The following RIMS2 variants were observed in gnomAD, a reference collection of about 807,000 sequenced individuals.
RIMS2 encodes regulating synaptic membrane exocytosis 2, also known as regulating synaptic membrane exocytosis protein 2.
RIMS2 carries 59 observed loss-of-function variants against 174.4 expected under a neutral mutation model. That is an observed-to-expected ratio of 0.34 (90% CI 0.27 to 0.42). The LOEUF (loss-of-function observed/expected upper bound fraction) is 0.42, where lower values mean the gene tolerates loss of function less well. Among genes scored for constraint, RIMS2 ranks in the 10% least tolerant of loss-of-function variants. The pLI is 1.00. For synonymous variants in RIMS2, 606 were observed against 572.5 expected, an observed-to-expected ratio of 1.06 and a Z score of -0.84; for missense variants, 1,620 against 1,666.3, an observed-to-expected ratio of 0.97 and a Z score of 0.48.
At chr8:103,808,834 A>T (rs759949347) in intron 3 of RIMS2, among the ~76,000 whole-genome samples, 5 of 152,102 alleles carry the variant, frequency 3.3e-5, no homozygotes, top group Non-Finnish European at 7.4e-5. Flanking sequence ...GGACTATTAC[A>T]TTAGCTTTCT....
At chr8:103,663,356 G>A (rs942478740) in intron 1 of RIMS2, among the ~76,000 whole-genome samples, 3 of 152,078 alleles carry the variant, frequency 2.0e-5, no homozygotes, top group Non-Finnish European at 4.4e-5. Context: ...GTCTCTGTTT[G>A]CGGATGACAT....
intron 4 of RIMS2, among the ~76,000 whole-genome samples, chr8:103,905,216 C>G (rs999996883): frequency 2.0e-5 from 3 of 151,898 alleles, no homozygotes; most frequent in Non-Finnish European, 2.9e-5. Flanking sequence ...CTTTCAGATT[C>G]CTTCTTTTTT....
intron 16 of RIMS2, among the ~76,000 whole-genome samples, chr8:103,987,790 A>T (rs1447394909): frequency 6.6e-6 from 1 of 152,196 alleles, no homozygotes; most frequent in East Asian, 1.9e-4. Flanking sequence ...CCATAGATCA[A>T]CTTATGAGTA....
chr8:104,244,873 A>G (rs772726274), intron 19 of RIMS2, 43 bp from the exon 26 acceptor site: 26 of 1,544,406 alleles, frequency 1.7e-5, no homozygotes, highest in Non-Finnish European at 2.3e-5. Context: ...CTTACCACAT[A>G]GTGATTACAA....
intron 3 of RIMS2, among the ~76,000 whole-genome samples, chr8:103,870,528 A>T (rs1021740875): frequency 2.0e-5 from 3 of 152,194 alleles, no homozygotes; most frequent in African/African-American, 7.2e-5. Flanking sequence ...TAGTGATGGG[A>T]AAACACTGTC....
chr8:103,789,934 A>T, intron 3 of RIMS2, among the ~76,000 whole-genome samples: 1 of 151,628 alleles, frequency 6.6e-6, no homozygotes, highest in Non-Finnish European at 1.5e-5. Context: ...TTCTATTTTT[A>T]AACTCTTAGT....
rs370330667 is a variant in RIMS2, at chr8:103,587,409, G to GAGAAAGAAAGAAAGA, written c.176+86348_176+86349insGAAAGAAAGAAAGAA. Among the ~76,000 whole-genome samples the GAGAAAGAAAGAAAGA allele has an allele frequency of 4.3e-5, 5 of 117,148 alleles. No individual in the cohort carries two copies. The East Asian group carries it at 1.3e-3, about 29-fold the overall frequency. 76.9% of individuals were successfully genotyped at this position (117,148 alleles called of 152,430 possible). A position where few individuals can be genotyped will look rare whatever the true frequency, so the allele number is the denominator to read the frequency against. On this transcript the variant is annotated intron_variant, in intron 1 of 23. Transcript: ENST00000504942. The stretch of plus-strand genomic sequence containing the variant: ...CCAAAGACACATCAGGAAGAAAAAA[G>GAGAAAGAAAGAAAGA]AAGAAAGAAAGAAAGAAAGAAAGAA...
At chr8:103,828,304 G>C (rs2098804128) in intron 3 of RIMS2, among the ~76,000 whole-genome samples, 1 of 152,146 alleles carries the variant, frequency 6.6e-6, no homozygotes, top group Non-Finnish European at 1.5e-5. Flanking sequence ...TTCACCAGCA[G>C]AACCATCCGG....
chr8:104,190,173 A>C (rs368043550), intron 19 of RIMS2, among the ~76,000 whole-genome samples: 12 of 152,160 alleles, frequency 7.9e-5, no homozygotes, highest in African/African-American at 2.4e-4. Flanking sequence ...GTGGTGGTAC[A>C]TGGCTGTAGA....
At chr8:103,815,691 G>A (rs536693747) in intron 3 of RIMS2, among the ~76,000 whole-genome samples, 1 of 152,014 alleles carries the variant, frequency 6.6e-6, no homozygotes, top group Non-Finnish European at 1.5e-5. Context: ...TAGAGACTTG[G>A]ACAAAGAAAA....
intron 3 of RIMS2, among the ~76,000 whole-genome samples, chr8:103,857,855 C>G (rs1487196067): frequency 1.3e-5 from 2 of 152,336 alleles, no homozygotes; most frequent in East Asian, 3.9e-4. Context: ...AAAAGCTCAT[C>G]TTTTCATTGT....
At chr8:103,634,715 A>G (rs2096030380) in intron 1 of RIMS2, among the ~76,000 whole-genome samples, 1 of 152,178 alleles carries the variant, frequency 6.6e-6, no homozygotes, top group South Asian at 2.1e-4. Flanking sequence ...TTGGGTGCAT[A>G]CGTATTTACA....
chr8:103,754,999 A>G (rs754441503), intron 2 of RIMS2, among the ~76,000 whole-genome samples: 2 of 152,136 alleles, frequency 1.3e-5, no homozygotes, highest in Non-Finnish European at 2.9e-5. Context: ...TTTGCCCGTT[A>G]GTTTATGCAG....
At chr8:103,507,967 G>T (rs373506607) in intron 1 of RIMS2, among the ~76,000 whole-genome samples, 136 of 152,010 alleles carry the variant, frequency 8.9e-4, no homozygotes, top group African/African-American at 3.1e-3. Context: ...TACTGTAAAG[G>T]TGTTTTTAGT....
chr8:103,623,679 C>CG (rs1393255539), intron 1 of RIMS2, among the ~76,000 whole-genome samples: 1 of 151,392 alleles, frequency 6.6e-6, no homozygotes, highest in Non-Finnish European at 1.5e-5. Flanking sequence ...TTAGTAGAGA[C>CG]GGGGTTTCAC....
At chr8:103,913,147 T>TTG (rs1554969452) in intron 6 of RIMS2, among the ~76,000 whole-genome samples, 7,325 of 150,728 alleles carry the variant, frequency 0.049, 601 homozygotes, top group African/African-American at 0.17. Context: ...TATTTTTTTT[T>TTG]TTTTGTATTT....
intron 19 of RIMS2, among the ~76,000 whole-genome samples, chr8:104,118,812 C>T (rs909674895): frequency 4.6e-5 from 7 of 152,230 alleles, no homozygotes; most frequent in African/African-American, 1.2e-4. Context: ...AGCACTCTTC[C>T]TAGTTTGCAG....
intron 19 of RIMS2, among the ~76,000 whole-genome samples, chr8:104,079,420 G>T (rs1177408261): frequency 6.6e-6 from 1 of 151,522 alleles, no homozygotes; most frequent in Non-Finnish European, 1.5e-5. Flanking sequence ...CTCCAGAGTT[G>T]CTAGCTTGTT....
intron 1 of RIMS2, among the ~76,000 whole-genome samples, chr8:103,608,620 C>G (rs534990606): frequency 6.6e-6 from 1 of 150,926 alleles, no homozygotes; most frequent in East Asian, 1.9e-4. Flanking sequence ...TGATCTCAGA[C>G]TGCTGTGCTA....
Sources: gnomAD v4.1 joint callset for allele counts (sites outside exome capture counted in the v4.1 genomes callset) on GRCh38, gnomAD v4.1.1 for gene constraint, MANE v1.5 for transcripts, NCBI Gene and HGNC (gene_info 2026-07-23, HGNC 2026-07-21) for gene names.